The following SPIDR variants were observed in gnomAD, a reference collection of about 807,000 sequenced individuals.
SPIDR encodes the protein scaffold protein involved in DNA repair.
Under a neutral mutation model 104.6 loss-of-function variants are expected in SPIDR, and 93 were observed. That is an observed-to-expected ratio of 0.89 (90% CI 0.75 to 1.06). The LOEUF is 1.06. Among genes scored for constraint, SPIDR ranks in the 50% least tolerant of loss-of-function variants. The probability of loss-of-function intolerance (pLI) is 0.00; values close to 1 mark genes in which losing one functional copy is unlikely to be tolerated. For synonymous variants in SPIDR, 431 were observed against 416.9 expected (o/e 1.03, Z -0.41); for missense variants, 1,154 against 1,111.2 (o/e 1.04, Z -0.55).
At chr8:47,628,131 G>A (rs1434775968) in intron 10 of SPIDR, among the ~76,000 whole-genome samples, 1 of 152,172 alleles carries the variant, frequency 6.6e-6, no homozygotes, top group Non-Finnish European at 1.5e-5. Flanking sequence ...CAAAAATATA[G>A]ATGGCTTTCC....
chr8:47,662,892 AGG>A (rs1455523650), intron 10 of SPIDR, among the ~76,000 whole-genome samples: 1 of 152,236 alleles, frequency 6.6e-6, no homozygotes, highest in Non-Finnish European at 1.5e-5. Flanking sequence ...GCTGTCTGTG[AGG>A]CAGCAGGCCC....
At chr8:47,506,604 C>T (rs1222021975) in intron 8 of SPIDR, among the ~76,000 whole-genome samples, 1 of 151,886 alleles carries the variant, frequency 6.6e-6, no homozygotes, top group South Asian at 2.1e-4. Context: ...CTTGCCACAC[C>T]GAGAGAGGAA....
At chr8:47,411,201 T>C (rs1409842924) in intron 7 of SPIDR, among the ~76,000 whole-genome samples, 1 of 152,216 alleles carries the variant, frequency 6.6e-6, no homozygotes, top group African/African-American at 2.4e-5. Context: ...GGTCAAATGG[T>C]AATTCTAGAT....
At chr8:47,569,517 C>T (rs2058278818) in intron 8 of SPIDR, among the ~76,000 whole-genome samples, 1 of 152,152 alleles carries the variant, frequency 6.6e-6, no homozygotes, top group Non-Finnish European at 1.5e-5. Context: ...GTTAAACCAT[C>T]AAACAAGTCT....
chr8:47,305,735 G>GT (rs2042989362), intron 5 of SPIDR, among the ~76,000 whole-genome samples: 3 of 152,120 alleles, frequency 2.0e-5, no homozygotes, highest in African/African-American at 7.2e-5. Context: ...AAAATGATAT[G>GT]ACTAGATGTG....
chr8:47,611,485 T>G (rs1020621160), intron 10 of SPIDR, among the ~76,000 whole-genome samples: 1 of 151,824 alleles, frequency 6.6e-6, no homozygotes, highest in Non-Finnish European at 1.5e-5. Flanking sequence ...GATCACGAGG[T>G]CAGGAGATCG....
intron 10 of SPIDR, among the ~76,000 whole-genome samples, chr8:47,637,141 C>G (rs1219267975): frequency 6.6e-6 from 1 of 152,200 alleles, no homozygotes; most frequent in South Asian, 2.1e-4. Flanking sequence ...CCTAATTATG[C>G]TCCAGGATCC....
chr8:47,619,218 A>G (rs2064780718), intron 10 of SPIDR, among the ~76,000 whole-genome samples: 1 of 152,212 alleles, frequency 6.6e-6, no homozygotes, highest in African/African-American at 2.4e-5. Context: ...ATAATTCTAC[A>G]CAATGAATCT....
rs782555938 is a variant in SPIDR at position 47,440,508 on chromosome 8, C to G, written c.1063C>G (p.Arg355Gly). 4 of 1,614,084 alleles carry G rather than the reference C, an allele frequency of 2.5e-6. No individual in the cohort carries two copies. The Admixed American group carries it at 6.7e-5, about 27-fold the overall frequency. Residue 355 changes from arginine (R) to glycine (G), a missense_variant, in exon 8 of 20, where the codon CGT (arginine) becomes GGT (glycine). Arg to Gly is a moderately radical substitution (Grantham distance 125). Coordinates refer to ENST00000297423, the MANE Select transcript of SPIDR (RefSeq NM_001080394.4). Reference protein sequence around the residue: ...TKETAGYLRGRPQDTVRIFPP... With the variant: ...TKETAGYLRGGPQDTVRIFPP... ...GGAGACTGCAGGCTACCTCAGGGGCCGTCCCCAGGACACTGTCCGGATCTT... is the reference window on the plus strand; with the variant it reads ...GGAGACTGCAGGCTACCTCAGGGGCGGTCCCCAGGACACTGTCCGGATCTT...
intron 8 of SPIDR, among the ~76,000 whole-genome samples, chr8:47,478,726 A>T (rs1554725053): frequency 6.6e-6 from 1 of 152,240 alleles, no homozygotes; most frequent in African/African-American, 2.4e-5. Context: ...AGGAGATCCC[A>T]GTAAAATGCT....
rs868965083 is a variant in SPIDR at position 47,396,385 on chromosome 8, A to G, written c.535A>G (p.Ile179Val). The G allele has an allele frequency of 7.5e-6, 12 of 1,602,970 alleles. No homozygotes were observed. The Admixed American group carries it at 1.0e-4, about 13-fold the overall frequency. The change falls in exon 6 of 20, where the codon ATA becomes GTA. Residue 179 changes from isoleucine (I) to valine (V), a missense_variant. By Grantham distance (29) the Ile-to-Val change is conservative. Transcript: ENST00000297423. Reference sequence around the variant, plus strand: ...TTTAATTTTTTTTCAGCCAAGTTCTATAGAAATTTTAGAGTATTCATCAGA... The same window carrying G: ...TTTAATTTTTTTTCAGCCAAGTTCTGTAGAAATTTTAGAGTATTCATCAGA... The part of the protein sequence containing the change: ...KLSELPKPSS[I>V]EILEYSSDSE...
At chr8:47,415,216 T>C (rs2064082143) in intron 7 of SPIDR, among the ~76,000 whole-genome samples, 1 of 152,192 alleles carries the variant, frequency 6.6e-6, no homozygotes, top group African/African-American at 2.4e-5. Context: ...TCTGCCCTTT[T>C]AAAACACTTT....
At chr8:47,482,950 A>G (rs2077067219) in intron 8 of SPIDR, among the ~76,000 whole-genome samples, 1 of 151,812 alleles carries the variant, frequency 6.6e-6, no homozygotes, top group Non-Finnish European at 1.5e-5. Context: ...TCCTTACTCA[A>G]TCCTGACCCT....
At chr8:47,424,540 A>G (rs1585480255) in intron 7 of SPIDR, among the ~76,000 whole-genome samples, 2 of 152,084 alleles carry the variant, frequency 1.3e-5, no homozygotes, top group African/African-American at 4.8e-5. Context: ...CTGGTCTCGA[A>G]CTCTTGGCCT....
At chr8:47,349,788 G>T (rs546301856) in intron 5 of SPIDR, among the ~76,000 whole-genome samples, 15 of 152,354 alleles carry the variant, frequency 9.8e-5, no homozygotes, top group African/African-American at 3.4e-4. Flanking sequence ...GGCGCGGGAT[G>T]TAATGTCCTG....
At chr8:47,440,203 AT>A (rs2069143241) in intron 7 of SPIDR, 119 bp from the exon 8 acceptor site, 1 of 821,632 alleles carries the variant, frequency 1.2e-6, no homozygotes, top group Non-Finnish European at 1.9e-6. Context: ...TGTGGAGACC[AT>A]TTTCTCCAGG....
At chr8:47,727,497 C>T (rs566840692) in intron 17 of SPIDR, among the ~76,000 whole-genome samples, 90 of 152,290 alleles carry the variant, frequency 5.9e-4, no homozygotes, top group Non-Finnish European at 1.2e-3. Context: ...CTTGCAGCTG[C>T]TCCTGTTATG....
chr8:47,291,966 G>T (rs1263744193), intron 4 of SPIDR, among the ~76,000 whole-genome samples: 1 of 152,114 alleles, frequency 6.6e-6, no homozygotes, highest in Non-Finnish European at 1.5e-5. Context: ...ACCTTCCTAT[G>T]CCTGTAGGAT....
chr8:47,688,016 A>AGTGTGTGTGTGTGTGTGTGT (rs141582845), intron 11 of SPIDR, among the ~76,000 whole-genome samples: 1 of 145,676 alleles, frequency 6.9e-6, no homozygotes, highest in Non-Finnish European at 1.5e-5. Context: ...AAAAAAAAAA[A>AGTGTGTGTGTGTGTGTGTGT]GTGTGTGTGT....
Sources: allele counts gnomAD v4.1 joint callset (sites outside exome capture counted in the v4.1 genomes callset), GRCh38; gene constraint gnomAD v4.1.1; transcripts MANE v1.5; gene names NCBI Gene and HGNC (gene_info 2026-07-23, HGNC 2026-07-21).